GXYLT2: variants seen among roughly 807,000 people sequenced by gnomAD.
GXYLT2 encodes the protein glucoside xylosyltransferase 2, also known as glycosyltransferase 8 domain containing 4.
GXYLT2 carries 53 observed loss-of-function variants against 45.8 expected under a neutral mutation model. The observed-to-expected ratio is 1.16, with a 90% CI of 0.93 to 1.46. The LOEUF is 1.46. Ranked by LOEUF, GXYLT2 falls within the 40% of genes most tolerant of loss-of-function variation. GXYLT2 has a pLI of 0.00. For synonymous variants in GXYLT2, 219 were observed against 214.2 expected (o/e 1.02, Z -0.19); for missense variants, 551 against 544.4 (o/e 1.01, Z -0.12).
intron 5 of GXYLT2, among the ~76,000 whole-genome samples, chr3:72,959,420 AT>A (rs1447871138): frequency 6.6e-6 from 1 of 150,460 alleles, no homozygotes; most frequent in African/African-American, 2.4e-5. Flanking sequence ...ACCCAGCCAA[AT>A]TTTTTTAATT....
At chr3:72,928,443 A>G (rs1484313489) in intron 3 of GXYLT2, among the ~76,000 whole-genome samples, 2 of 152,176 alleles carry the variant, frequency 1.3e-5, no homozygotes, top group Non-Finnish European at 2.9e-5. Flanking sequence ...CTCTCTCTCC[A>G]GCTCCCAGTT....
At chr3:72,919,493 G>A (rs976931561) in intron 2 of GXYLT2, among the ~76,000 whole-genome samples, 7 of 152,314 alleles carry the variant, frequency 4.6e-5, no homozygotes, top group Non-Finnish European at 8.8e-5. Context: ...GGTGGCTCAC[G>A]CCTGTAATCC....
At chr3:72,933,588 T>A (rs911709384) in intron 3 of GXYLT2, among the ~76,000 whole-genome samples, 4 of 152,134 alleles carry the variant, frequency 2.6e-5, no homozygotes, top group Admixed American at 2.0e-4. Flanking sequence ...TGATTCAGGC[T>A]GAGTTAATCA....
intron 5 of GXYLT2, among the ~76,000 whole-genome samples, chr3:72,967,052 GCCACCACA>G (rs1276902304): frequency 6.6e-6 from 1 of 152,208 alleles, no homozygotes; most frequent in Non-Finnish European, 1.5e-5. Flanking sequence ...ACAGGTGTGA[GCCACCACA>G]CCCAGCCAGT....
intron 3 of GXYLT2, among the ~76,000 whole-genome samples, chr3:72,953,435 G>A (rs138646648): frequency 1.3e-5 from 2 of 152,118 alleles, no homozygotes; most frequent in Non-Finnish European, 2.9e-5. Context: ...GACTATAGAC[G>A]CATGCCACCA....
At chr3:72,960,243 T>A (rs1408465036) in intron 5 of GXYLT2, among the ~76,000 whole-genome samples, 1 of 152,216 alleles carries the variant, frequency 6.6e-6, no homozygotes, top group Non-Finnish European at 1.5e-5. Flanking sequence ...TACTGCATTT[T>A]CCTCTTTGTC....
At position 72,965,703 on chromosome 3, in the gene GXYLT2, A is replaced by ATTATAG. The variant is rs1356166673; in HGVS notation, c.977-1844_977-1843insTTATAG. Reference sequence around the variant, plus strand: ...CTGTCCTGTTCATTATAGGATGTTCAGAGCACCCACTAGATGCCAGTAGCA... The same window carrying ATTATAG: ...CTGTCCTGTTCATTATAGGATGTTCATTATAGGAGCACCCACTAGATGCCAGTAGCA... On this transcript the variant is annotated intron_variant, in intron 5 of 6. Transcript: ENST00000389617. Among the ~76,000 whole-genome samples, 64 of 152,284 alleles carry ATTATAG rather than the reference A, an allele frequency of 4.2e-4. 1 individual carries two copies. In the East Asian group the frequency reaches 0.012, roughly 28 times the overall value.
intron 2 of GXYLT2, among the ~76,000 whole-genome samples, chr3:72,920,398 G>A (rs1021305388): frequency 2.0e-5 from 3 of 152,102 alleles, no homozygotes; most frequent in Non-Finnish European, 4.4e-5. Context: ...GCCTCCCAAA[G>A]TCATGAGATT....
intron 3 of GXYLT2, chr3:72,929,007 C>A (rs1287629660): frequency 1.6e-6 from 2 of 1,276,620 alleles, no homozygotes; most frequent in East Asian, 2.4e-5. Flanking sequence ...GCTCCAGCGC[C>A]GCGCAGCCAC....
intron 1 of GXYLT2, among the ~76,000 whole-genome samples, chr3:72,895,268 G>A (rs990293713): frequency 4.6e-5 from 7 of 152,128 alleles, no homozygotes; most frequent in Non-Finnish European, 1.5e-5. Flanking sequence ...GCTGGTGGCG[G>A]GGTTGGGGGG....
intron 3 of GXYLT2, 49 bp downstream of exon 3, chr3:72,922,384 G>A: frequency 6.3e-7 from 1 of 1,576,460 alleles, no homozygotes; most frequent in Middle Eastern, 1.7e-4. Flanking sequence ...TGGAAATAAG[G>A]TAAAATTAGC....
intron 2 of GXYLT2, among the ~76,000 whole-genome samples, chr3:72,914,546 T>C (rs7618360): frequency 0.16 from 22,893 of 143,734 alleles, 2,283 homozygotes; most frequent in African/African-American, 0.32. Context: ...TGTGTGTGTG[T>C]GCGCGCGCGC....
chr3:72,924,135 C>G (rs998429051), intron 3 of GXYLT2, among the ~76,000 whole-genome samples: 1 of 150,512 alleles, frequency 6.6e-6, no homozygotes, highest in Non-Finnish European at 1.5e-5. Flanking sequence ...ATGAAGCAAT[C>G]AGCAGAGACT....
In GXYLT2 at chr3:72,963,749, C is replaced by A. The variant is rs1397133959; in HGVS notation, c.977-3798C>A. Among the ~76,000 whole-genome samples, 4 of 150,948 alleles carry A rather than the reference C, an allele frequency of 2.6e-5. No homozygotes were observed. The Admixed American group carries it at 2.7e-4, about 10-fold the overall frequency. On this transcript the variant is annotated intron_variant, in intron 5 of 6. Transcript: ENST00000389617. ...GGGCAATGGCACGATCTTGGCTCAC[C>A]GCAACCTCTGCCTCCCAGGTCCAAG...
rs753433386 is a variant in GXYLT2 at position 72,955,131 on chromosome 3, G to GTGGA, written c.635_638dup (p.Thr214GlyfsTer11). 4.3e-6 allele frequency: 7 copies of GTGGA among 1,613,884 alleles called. No homozygotes were observed. The highest frequency in any genetic ancestry group is 5.9e-6 in the Non-Finnish European group (7 of 1,179,864). On this transcript the variant is annotated frameshift_variant, in exon 4 of 7. Transcript: ENST00000389617. LOFTEE classifies it high-confidence loss of function. ...AAAGGATGTGGACTCACTTCTCTAC[G>GTGGA]TGGACACCGATGTCCTCTTTCTGAG...
At chr3:72,931,683 G>A (rs939358547) in intron 3 of GXYLT2, among the ~76,000 whole-genome samples, 1 of 151,876 alleles carries the variant, frequency 6.6e-6, no homozygotes, top group African/African-American at 2.4e-5. Flanking sequence ...GTACAAATGA[G>A]GAAAGGCCTC....
intron 5 of GXYLT2, among the ~76,000 whole-genome samples, chr3:72,963,508 T>C (rs1014684192): frequency 1.0e-3 from 17 of 16,742 alleles, no homozygotes; most frequent in African/African-American, 2.5e-3. Flanking sequence ...GAGTTTTTTG[T>C]TTTTTTTTTT....
intron 3 of GXYLT2, among the ~76,000 whole-genome samples, chr3:72,953,054 C>T (rs1179766097): frequency 6.6e-6 from 1 of 152,082 alleles, no homozygotes; most frequent in Admixed American, 6.6e-5. Flanking sequence ...CCCAGCAAAG[C>T]TCTGGAAAGC....
intron 2 of GXYLT2, among the ~76,000 whole-genome samples, chr3:72,913,574 A>C (rs946392496): frequency 3.3e-5 from 5 of 151,944 alleles, no homozygotes; most frequent in African/African-American, 9.7e-5. Flanking sequence ...GTGTGCCTGT[A>C]GTCCCAGCTA....
Sources: allele counts gnomAD v4.1 joint callset (sites outside exome capture counted in the v4.1 genomes callset), GRCh38; gene constraint gnomAD v4.1.1; transcripts MANE v1.5; gene names NCBI Gene and HGNC (gene_info 2026-07-23, HGNC 2026-07-21).